CACNA2D1: variants seen among roughly 807,000 people sequenced by gnomAD.
The protein encoded by CACNA2D1 is voltage-dependent calcium channel subunit alpha-2/delta-1.
A neutral mutation model predicts 171.5 loss-of-function variants in CACNA2D1; 53 were observed. The observed-to-expected ratio is 0.31, with a 90% CI of 0.25 to 0.39. The LOEUF is 0.39. Ranked by LOEUF, CACNA2D1 falls within the 10% of genes least tolerant of loss-of-function variation. CACNA2D1 has a pLI of 1.00. For synonymous variants in CACNA2D1, 442 were observed against 443.1 expected (o/e 1.00, Z 0.03); for missense variants, 903 against 1,299.8 (o/e 0.69, Z 4.69).
At chr7:82,376,500 T>C (rs1823029886) in intron 1 of CACNA2D1, among the ~76,000 whole-genome samples, 2 of 152,198 alleles carry the variant, frequency 1.3e-5, no homozygotes, top group South Asian at 4.1e-4. Context: ...AAGTAAACAA[T>C]AGATATTCCA....
intron 3 of CACNA2D1, among the ~76,000 whole-genome samples, chr7:82,295,216 G>A (rs937946320): frequency 6.6e-6 from 1 of 152,022 alleles, no homozygotes; most frequent in Non-Finnish European, 1.5e-5. Context: ...TAACAAAGTG[G>A]GGAGATATTG....
chr7:81,953,963 A>G (rs1334382939), intron 38 of CACNA2D1, among the ~76,000 whole-genome samples: 1 of 152,090 alleles, frequency 6.6e-6, no homozygotes, highest in Non-Finnish European at 1.5e-5. Flanking sequence ...TAGTTTAGAT[A>G]AGTTATTTGG....
At chr7:82,291,008 C>A (rs2129396567) in intron 3 of CACNA2D1, among the ~76,000 whole-genome samples, 1 of 145,102 alleles carries the variant, frequency 6.9e-6, no homozygotes, top group South Asian at 2.2e-4. Context: ...CAGGGTCTGG[C>A]TCTGTTGCCC....
At chr7:82,048,722 T>G (rs894467422) in intron 10 of CACNA2D1, among the ~76,000 whole-genome samples, 1 of 152,130 alleles carries the variant, frequency 6.6e-6, no homozygotes, top group African/African-American at 2.4e-5. Flanking sequence ...TTTAATTTAA[T>G]TTAAAGAACT....
At chr7:82,231,706 T>C (rs1170656291) in intron 3 of CACNA2D1, among the ~76,000 whole-genome samples, 1 of 152,124 alleles carries the variant, frequency 6.6e-6, no homozygotes, top group Non-Finnish European at 1.5e-5. Context: ...CCATCCCATA[T>C]GGAAAGAACA....
intron 3 of CACNA2D1, among the ~76,000 whole-genome samples, chr7:82,219,418 T>C (rs1257227691): frequency 2.0e-5 from 3 of 152,140 alleles, no homozygotes; most frequent in Non-Finnish European, 4.4e-5. Flanking sequence ...ATTCCACATC[T>C]ACATTTCTGT....
chr7:82,438,798 T>C (rs1427913926), intron 1 of CACNA2D1, among the ~76,000 whole-genome samples: 3 of 152,206 alleles, frequency 2.0e-5, no homozygotes, highest in Non-Finnish European at 4.4e-5. Flanking sequence ...TTGTTCCCCA[T>C]GGAAAGCAGC....
In CACNA2D1 at chr7:81,950,354, G is replaced by C. The variant is rs773549800; in HGVS notation, c.*38C>G. ...AGGGCAGGGCTCATGTTTTGGCAGGGTCTGGAGTTTAACTATGCAGATTTG... is the reference window on the plus strand; with the variant it reads ...AGGGCAGGGCTCATGTTTTGGCAGGCTCTGGAGTTTAACTATGCAGATTTG... On this transcript the variant is annotated 3_prime_UTR_variant, in exon 39 of 39. Transcript: ENST00000356860. 5.6e-6 allele frequency: 9 copies of C among 1,612,632 alleles called. No individual in the cohort carries two copies. The East Asian group carries it at 1.8e-4, about 32-fold the overall frequency.
intron 3 of CACNA2D1, among the ~76,000 whole-genome samples, chr7:82,194,821 G>T (rs181391616): frequency 7.9e-5 from 12 of 151,960 alleles, no homozygotes; most frequent in African/African-American, 2.4e-4. Context: ...ATTCTAGAAT[G>T]AAGTAAGAGT....
chr7:82,440,758 A>C (rs1194665490), intron 1 of CACNA2D1, among the ~76,000 whole-genome samples: 1 of 151,892 alleles, frequency 6.6e-6, no homozygotes, highest in Non-Finnish European at 1.5e-5. Context: ...CTTAACTGAC[A>C]CATCATTTGT....
chr7:82,032,166 C>T lies in CACNA2D1; in HGVS notation c.1143+631G>A, dbSNP rs1038439027. ...TTCAATGAGGTCCCTCTCTGTAATACTCTTCCCTTATAGTAAAACATACAT... is the reference window on the plus strand; with the variant it reads ...TTCAATGAGGTCCCTCTCTGTAATATTCTTCCCTTATAGTAAAACATACAT... On this transcript the variant is annotated intron_variant, in intron 12 of 38. Transcript: ENST00000356860. Among the ~76,000 whole-genome samples, 3 of 152,038 alleles carry T rather than the reference C, an allele frequency of 2.0e-5. No homozygotes were observed. The South Asian group carries it at 6.2e-4, about 32-fold the overall frequency.
intron 12 of CACNA2D1, among the ~76,000 whole-genome samples, chr7:82,023,374 G>A (rs1328522655): frequency 6.6e-6 from 1 of 151,814 alleles, no homozygotes; most frequent in African/African-American, 2.4e-5. Flanking sequence ...CAAACATTTT[G>A]TTCTAATTCT....
intron 15 of CACNA2D1, among the ~76,000 whole-genome samples, chr7:82,008,611 T>G (rs1799393221): frequency 6.6e-6 from 1 of 152,132 alleles, no homozygotes; most frequent in Non-Finnish European, 1.5e-5. Context: ...AATCACTCTT[T>G]AAAATAATTT....
At position 82,291,539 on chromosome 7, in the gene CACNA2D1, A is replaced by ATATATATATATATATAAATATATATATT. The variant is rs1563319913; in HGVS notation, c.294+43595_294+43596insAATATATATATTTATATATATATATATA. On this transcript the variant is annotated intron_variant, in intron 3 of 38. Transcript: ENST00000356860. ...ATATATAGATAGATCTATATATGTGATATATAGATATATATAAATATATAT... is the reference window on the plus strand; with the variant it reads ...ATATATAGATAGATCTATATATGTGATATATATATATATATAAATATATATATTTATATAGATATATATAAATATATAT... Among the ~76,000 whole-genome samples, 18 of 137,942 alleles carry ATATATATATATATATAAATATATATATT rather than the reference A, an allele frequency of 1.3e-4. No individual in the cohort carries two copies. In the East Asian group the frequency reaches 1.6e-3, roughly 12 times the overall value. 90.5% of individuals were successfully genotyped at this position (137,942 alleles called of 152,430 possible).
intron 10 of CACNA2D1, among the ~76,000 whole-genome samples, chr7:82,052,156 A>AC (rs1805266679): frequency 6.6e-6 from 1 of 152,144 alleles, no homozygotes; most frequent in Non-Finnish European, 1.5e-5. Flanking sequence ...TCTTTGGATG[A>AC]CCCACATTCT....
At chr7:82,006,642 T>C (rs1460975056) in intron 16 of CACNA2D1, among the ~76,000 whole-genome samples, 3 of 152,134 alleles carry the variant, frequency 2.0e-5, no homozygotes, top group Non-Finnish European at 4.4e-5. Context: ...CTCTTTTCCA[T>C]GAACCAATCC....
At chr7:82,083,729 T>C (rs565633237) in intron 7 of CACNA2D1, among the ~76,000 whole-genome samples, 2 of 152,282 alleles carry the variant, frequency 1.3e-5, no homozygotes, top group South Asian at 4.1e-4. Context: ...TCTGCAACCC[T>C]GCAGAAGTTA....
chr7:82,043,756 C>T (rs951468206), intron 10 of CACNA2D1, among the ~76,000 whole-genome samples: 2 of 152,126 alleles, frequency 1.3e-5, no homozygotes, highest in South Asian at 4.1e-4. Flanking sequence ...CTTGTCATCA[C>T]ATTATGTCAG....
chr7:82,436,554 A>G (rs1830131772), intron 1 of CACNA2D1, among the ~76,000 whole-genome samples: 1 of 152,226 alleles, frequency 6.6e-6, no homozygotes, highest in African/African-American at 2.4e-5. Flanking sequence ...AAAAATGATT[A>G]TTATGTTTAG....
Sources: allele counts gnomAD v4.1 joint callset (sites outside exome capture counted in the v4.1 genomes callset), GRCh38; gene constraint gnomAD v4.1.1; transcripts MANE v1.5; gene names NCBI Gene and HGNC (gene_info 2026-07-23, HGNC 2026-07-21).